Variants in SLCO4A1 observed in about 807,000 individuals in gnomAD.
SLCO4A1 encodes colon organic anion transporter.
A neutral mutation model predicts 64.6 loss-of-function variants in SLCO4A1; 51 were observed. The observed-to-expected ratio is 0.79, with a 90% confidence interval of 0.63 to 1.00. The LOEUF (loss-of-function observed/expected upper bound fraction) is 1.00. SLCO4A1 is among the 50% of genes least tolerant of loss of function. The pLI, the probability that SLCO4A1 is intolerant of heterozygous loss-of-function variation, is 0.00. For missense variants in SLCO4A1, 919 were observed against 980.5 expected, an observed-to-expected ratio of 0.94 and a Z score of 0.84; for synonymous variants, 471 against 444.9, an observed-to-expected ratio of 1.06 and a Z score of -0.74.
intron 1 of SLCO4A1, chr20:62,643,173 C>T (rs542024584): frequency 2.2e-4 from 76 of 351,742 alleles, no homozygotes; most frequent in African/African-American, 1.7e-3. Context: ...GGCGGCGCCC[C>T]TTTCCCTGCC....
At chr20:62,679,606 TC>T (rs1987739880) in intron 2 of SLCO4A1, among the ~76,000 whole-genome samples, 1 of 152,188 alleles carries the variant, frequency 6.6e-6, no homozygotes, top group Non-Finnish European at 1.5e-5. Context: ...CAAGCGATCC[TC>T]CTGCATTGGC....
chr20:62,655,659 C>T (rs919181073), intron 1 of SLCO4A1, among the ~76,000 whole-genome samples: 11 of 152,304 alleles, frequency 7.2e-5, no homozygotes, highest in African/African-American at 2.6e-4. Flanking sequence ...GTCTACATGG[C>T]TGCCGACTGC....
At chr20:62,679,118 C>T (rs1287519360) in intron 2 of SLCO4A1, among the ~76,000 whole-genome samples, 2 of 152,126 alleles carry the variant, frequency 1.3e-5, no homozygotes, top group African/African-American at 2.4e-5. Context: ...GCAGGAGAAT[C>T]GCTTGAAGCT....
At chr20:62,664,858 G>A (rs1322793603) in intron 5 of SLCO4A1, 76 bp from the exon 6 acceptor site, 2 of 1,403,258 alleles carry the variant, frequency 1.4e-6, no homozygotes, top group African/African-American at 2.9e-5. Flanking sequence ...CTGACCCTCA[G>A]TCTCTTCTCC....
chr20:62,642,998 T>C (rs2147049843), intron 1 of SLCO4A1: 1 of 469,804 alleles, frequency 2.1e-6, no homozygotes, highest in South Asian at 1.5e-5. Flanking sequence ...AGCTCCAGAG[T>C]TGCGGAGTCA....
chr20:62,643,991 G>T (rs943960914), intron 1 of SLCO4A1, among the ~76,000 whole-genome samples: 1 of 152,252 alleles, frequency 6.6e-6, no homozygotes, highest in Non-Finnish European at 1.5e-5. Flanking sequence ...CTCCAGGTTT[G>T]TCTGATCCAG....
intron 1 of SLCO4A1, among the ~76,000 whole-genome samples, chr20:62,647,716 G>A (rs1005198288): frequency 6.6e-6 from 1 of 152,270 alleles, no homozygotes; most frequent in Non-Finnish European, 1.5e-5. Flanking sequence ...AAGTAGGTGG[G>A]CTTCTAGAAG....
chr20:62,667,594 C>T, intron 7 of SLCO4A1, 151 bp from the exon 8 acceptor site: 1 of 852,140 alleles, frequency 1.2e-6, no homozygotes, highest in Non-Finnish European at 1.8e-6. Context: ...AGTGTGAGTG[C>T]CCAGCGTGCT....
chr20:62,656,935 A>C lies in SLCO4A1; in HGVS notation c.481A>C (p.Ser161Arg), dbSNP rs1983845460. ...CGCCTGCCTCTGCCTCACCTTCGTC[A>C]GCTACTTCGGGGGCTCAGGGCACAA... Reference protein sequence around the residue: ...IAACLCLTFVSYFGGSGHKPR... With the variant: ...IAACLCLTFVRYFGGSGHKPR... Residue 161 changes from serine to arginine, a missense_variant, in exon 2 of 12, where the codon AGC (serine) becomes CGC (arginine). Coordinates refer to ENST00000217159, the MANE Select transcript of SLCO4A1 (RefSeq NM_016354.4). 6.4e-7 allele frequency: 1 copy of C among 1,564,480 alleles called. No individual in the cohort carries two copies. The highest frequency in any genetic ancestry group is 1.3e-5 in the African/African-American group (1 of 74,274).
At position 62,667,838 on chromosome 20, in the gene SLCO4A1, C is replaced by A. The variant is rs759260457; in HGVS notation, c.1566C>A (p.Asp522Glu). ...ACTACAGCCCTGTGTGCGGCTCGGA[C>A]GGCCTCATGTACTTCTCACTGTGCC... ...PEHYSPVCGS[D>E]GLMYFSLCHA... Residue 522 changes from aspartate to glutamate, a missense_variant, in exon 8 of 12, where the codon GAC becomes GAA. Asp to Glu is a conservative substitution (Grantham distance 45). Coordinates refer to ENST00000217159, the MANE Select transcript of SLCO4A1 (RefSeq NM_016354.4). 1.2e-6 allele frequency: 2 copies of A among 1,613,468 alleles called. No individual in the cohort carries two copies. The highest frequency in any genetic ancestry group is 1.7e-5 in the Admixed American group (1 of 60,036).
chr20:62,663,730 G>A (rs1038228041), intron 5 of SLCO4A1, among the ~76,000 whole-genome samples: 1 of 152,178 alleles, frequency 6.6e-6, no homozygotes, highest in Non-Finnish European at 1.5e-5. Flanking sequence ...CTGTGAACAG[G>A]ATGCAGGCAG....
rs372076508 is a variant in SLCO4A1, at chr20:62,667,829, C to T, written c.1557C>T (p.Cys519=). 440 of 1,613,226 alleles carry T rather than the reference C, an allele frequency of 2.7e-4. 1 individual carries two copies. Among genetic ancestry groups the T allele is most frequent in the Non-Finnish European group, 1.8e-4 (207 of 1,180,036 alleles). The change falls in exon 8 of 12, where the codon TGC becomes TGT. Residue 519 remains cysteine, a synonymous_variant. Transcript: ENST00000217159. ...SCQPEHYSPV[C]GSDGLMYFSL... is the part of the protein sequence containing the mutation. The stretch of plus-strand genomic sequence containing the variant: ...AGCCAGAACACTACAGCCCTGTGTG[C>T]GGCTCGGACGGCCTCATGTACTTCT...
At position 62,667,866 on chromosome 20, in the gene SLCO4A1, G is replaced by T. The variant is rs148294177; in HGVS notation, c.1594G>T (p.Ala532Ser). 32 of 1,613,626 alleles carry T rather than the reference G, an allele frequency of 2.0e-5. No individual in the cohort carries two copies. Among genetic ancestry groups the T allele is most frequent in the Admixed American group, 8.3e-5 (5 of 60,016 alleles). Residue 532 changes from alanine (A) to serine (S), a missense_variant, in exon 8 of 12, where the codon GCA becomes TCA. Coordinates refer to ENST00000217159, the MANE Select transcript of SLCO4A1 (RefSeq NM_016354.4). ...CCTCATGTACTTCTCACTGTGCCACGCAGGGTGCCCTGCAGCCACGGAGAC... is the reference window on the plus strand; with the variant it reads ...CCTCATGTACTTCTCACTGTGCCACTCAGGGTGCCCTGCAGCCACGGAGAC... ...DGLMYFSLCH[A>S]GCPAATETNV...
intron 1 of SLCO4A1, among the ~76,000 whole-genome samples, chr20:62,648,651 T>C (rs1236997473): frequency 2.6e-5 from 4 of 152,214 alleles, no homozygotes; most frequent in Non-Finnish European, 5.9e-5. Flanking sequence ...TTTCAGTAAC[T>C]GTGTGTGCAC....
intron 2 of SLCO4A1, among the ~76,000 whole-genome samples, chr20:62,683,892 C>T (rs577493934): frequency 7.3e-5 from 11 of 151,724 alleles, no homozygotes; most frequent in South Asian, 6.2e-4. Context: ...CGTGACCACG[C>T]GCTTCCCACA....
At chr20:62,679,824 G>A (rs1187416089) in intron 2 of SLCO4A1, among the ~76,000 whole-genome samples, 2 of 152,224 alleles carry the variant, frequency 1.3e-5, no homozygotes, top group Admixed American at 1.3e-4. Flanking sequence ...AGTCTAAGGA[G>A]GGAGTCAAGG....
At chr20:62,654,095 A>T (rs1202203882) in intron 1 of SLCO4A1, among the ~76,000 whole-genome samples, 1 of 152,176 alleles carries the variant, frequency 6.6e-6, no homozygotes, top group Non-Finnish European at 1.5e-5. Flanking sequence ...CCCAAAGTCC[A>T]CACAGGCTGT....
intron 1 of SLCO4A1, among the ~76,000 whole-genome samples, chr20:62,647,611 A>G (rs1043345496): frequency 6.6e-6 from 1 of 152,278 alleles, no homozygotes; most frequent in African/African-American, 2.4e-5. Flanking sequence ...CAAGCTTAAA[A>G]TAGTTTTCTC....
intron 4 of SLCO4A1, 69 bp downstream of exon 4, chr20:62,660,602 C>G: frequency 6.5e-7 from 1 of 1,536,912 alleles, no homozygotes; most frequent in Non-Finnish European, 8.9e-7. Flanking sequence ...GAAGGGGGCA[C>G]CCCGTTTCCT....
Sources: allele counts gnomAD v4.1 joint callset (sites outside exome capture counted in the v4.1 genomes callset), GRCh38; gene constraint gnomAD v4.1.1; transcripts MANE v1.5; gene names NCBI Gene and HGNC (gene_info 2026-07-23, HGNC 2026-07-21).